HNRNPLL: variants seen among roughly 807,000 people sequenced by gnomAD.
HNRNPLL encodes the protein heterogeneous nuclear ribonucleoprotein L like.
A neutral mutation model predicts 67.1 loss-of-function variants in HNRNPLL; 25 were observed. The ratio of observed to expected loss-of-function variants is 0.37; its 90% CI spans 0.27 to 0.52. The LOEUF is 0.52. Among genes scored for constraint, HNRNPLL ranks in the 20% least tolerant of loss-of-function variants. HNRNPLL has a pLI of 0.90. For synonymous variants in HNRNPLL, 267 were observed against 241.7 expected (o/e 1.10, Z -0.97); for missense variants, 542 against 673.9 (o/e 0.80, Z 2.17).
At chr2:38,586,999 T>C (rs1172570841) in intron 2 of HNRNPLL, among the ~76,000 whole-genome samples, 2 of 152,068 alleles carry the variant, frequency 1.3e-5, no homozygotes, top group Non-Finnish European at 2.9e-5. Flanking sequence ...TGGATCACAA[T>C]GGGGGAAGCA....
At chr2:38,595,595 A>C (rs1413193576) in intron 1 of HNRNPLL, among the ~76,000 whole-genome samples, 15 of 152,228 alleles carry the variant, frequency 9.9e-5, no homozygotes, top group African/African-American at 3.4e-4. Flanking sequence ...CTGTAATGCC[A>C]GCCCTTTGGG....
intron 2 of HNRNPLL, among the ~76,000 whole-genome samples, chr2:38,590,542 T>C (rs1354915253): frequency 6.6e-6 from 1 of 152,204 alleles, no homozygotes; most frequent in Non-Finnish European, 1.5e-5. Flanking sequence ...CAGCCGGGCA[T>C]ACTCCAAAAA....
In HNRNPLL at chr2:38,564,158, A is replaced by C. The variant is rs765028870; in HGVS notation, c.*24T>G. ...TTGAAATTGTAATAAAGGTGAACAT[A>C]AATTCTAACATGCTCTTCTCTTCTT... On this transcript the variant is annotated 3_prime_UTR_variant, in exon 13 of 13. Coordinates refer to ENST00000449105, the MANE Select transcript of HNRNPLL (RefSeq NM_138394.4). 6.5e-6 allele frequency: 9 copies of C among 1,392,764 alleles called. No homozygotes were observed. Among genetic ancestry groups the C allele is most frequent in the Non-Finnish European group, 9.2e-6 (9 of 982,060 alleles). The allele number at this position is 1,392,764 out of a possible 1,614,324, so 86.3% of individuals were successfully genotyped here. A position where few individuals can be genotyped will look rare whatever the true frequency, so the allele number is the denominator to read the frequency against.
Position 38,580,301 on chromosome 2 carries a change from C to G in HNRNPLL, c.802+1612G>C, listed in dbSNP as rs150240826. ...TCAACTGTACCAACCCAAGGCCAGG[C>G]AGATTTCCATAAGTAGTGAAAAACA... On this transcript the variant is annotated intron_variant, in intron 6 of 12. Transcript: ENST00000449105. Among the ~76,000 whole-genome samples, 30 of 152,286 alleles carry G rather than the reference C, an allele frequency of 2.0e-4. No individual in the cohort carries two copies. The Middle Eastern group carries it at 0.014, about 69-fold the overall frequency.
At chr2:38,602,163 C>CCGG (rs1432201843) in intron 1 of HNRNPLL, 6 of 402,782 alleles carry the variant, frequency 1.5e-5, no homozygotes, top group Non-Finnish European at 2.2e-5. Flanking sequence ...CGACGCCTCC[C>CCGG]CGCCGCCGCC....
intron 6 of HNRNPLL, chr2:38,578,030 AAC>A (rs1271168696): frequency 2.1e-6 from 1 of 470,318 alleles, no homozygotes; most frequent in Non-Finnish European, 4.4e-6. Flanking sequence ...ACAATCAGTA[AAC>A]ACAGAGTATT....
At chr2:38,600,660 G>A (rs773958551) in intron 1 of HNRNPLL, among the ~76,000 whole-genome samples, 1 of 151,652 alleles carries the variant, frequency 6.6e-6, no homozygotes, top group Non-Finnish European at 1.5e-5. Context: ...TTGAGACAGG[G>A]AGATCAAGGC....
intron 2 of HNRNPLL, among the ~76,000 whole-genome samples, chr2:38,590,448 T>C (rs548157166): frequency 1.3e-5 from 2 of 152,326 alleles, no homozygotes; most frequent in African/African-American, 2.4e-5. Flanking sequence ...GTGTCTTCGA[T>C]AGCTGTAACA....
chr2:38,579,981 C>T (rs1666458740), intron 6 of HNRNPLL, among the ~76,000 whole-genome samples: 1 of 152,098 alleles, frequency 6.6e-6, no homozygotes, highest in South Asian at 2.1e-4. Context: ...CACATATATA[C>T]CTTATACATT....
intron 7 of HNRNPLL, among the ~76,000 whole-genome samples, chr2:38,575,442 T>G (rs935775978): frequency 6.6e-6 from 1 of 151,834 alleles, no homozygotes; most frequent in African/African-American, 2.4e-5. Context: ...TGCTACAAAT[T>G]AATACACAAA....
intron 7 of HNRNPLL, among the ~76,000 whole-genome samples, chr2:38,576,322 G>A (rs1666299962): frequency 6.6e-6 from 1 of 151,582 alleles, no homozygotes; most frequent in African/African-American, 2.4e-5. Flanking sequence ...TTATCAAAGT[G>A]CAAAAAACAC....
At position 38,564,077 on chromosome 2, in the gene HNRNPLL, T is replaced by G. The variant is rs537556407; in HGVS notation, c.*105A>C. 40 of 757,106 alleles carry G rather than the reference T, an allele frequency of 5.3e-5. No homozygotes were observed. The East Asian group carries it at 9.7e-4, about 18-fold the overall frequency. The allele number at this position is 757,106 out of a possible 1,614,324, so 46.9% of individuals were successfully genotyped here. On this transcript the variant is annotated 3_prime_UTR_variant, in exon 13 of 13. Transcript: ENST00000449105. Reference sequence around the variant, plus strand: ...TTTATTACAGAACAGGATCTTAAAGTAAGCAAGGCAACATGAGATCAACCA... The same window carrying G: ...TTTATTACAGAACAGGATCTTAAAGGAAGCAAGGCAACATGAGATCAACCA...
chr2:38,593,147 CG>C (rs1667028589), intron 1 of HNRNPLL, among the ~76,000 whole-genome samples: 1 of 152,170 alleles, frequency 6.6e-6, no homozygotes, highest in Admixed American at 6.5e-5. Context: ...GCTTATGCTC[CG>C]TCTTTCCTAT....
At chr2:38,586,889 T>C (rs1283840248) in intron 2 of HNRNPLL, among the ~76,000 whole-genome samples, 1 of 152,100 alleles carries the variant, frequency 6.6e-6, no homozygotes, top group Non-Finnish European at 1.5e-5. Context: ...GGAGGAGATA[T>C]ATTTTAATAC....
chr2:38,577,830 C>CA (rs1352444050), intron 6 of HNRNPLL: 3 of 453,014 alleles, frequency 6.6e-6, no homozygotes, highest in African/African-American at 6.0e-5. Context: ...TGAATGTACA[C>CA]AATGCTAGAA....
At chr2:38,572,603 T>G (rs1439680835) in intron 8 of HNRNPLL, among the ~76,000 whole-genome samples, 8 of 152,076 alleles carry the variant, frequency 5.3e-5, no homozygotes, top group African/African-American at 1.9e-4. Context: ...CCTCGCAGAT[T>G]TGGGGAAAAC....
chr2:38,595,388 T>C (rs1018327928), intron 1 of HNRNPLL, among the ~76,000 whole-genome samples: 4 of 151,490 alleles, frequency 2.6e-5, no homozygotes, highest in African/African-American at 9.7e-5. Context: ...ATCATGAGTA[T>C]AGTGCTAAAA....
chr2:38,602,843 C>A lies in HNRNPLL; in HGVS notation c.-217G>T. On this transcript the variant is annotated 5_prime_UTR_variant, in exon 1 of 13. Coordinates refer to ENST00000449105, the MANE Select transcript of HNRNPLL (RefSeq NM_138394.4). ...CCGGGAGGAAGCTCTGGAGCGGCCG[C>A]TCCTCTCAATTACCGAGCCAACATT... The A allele has an allele frequency of 6.5e-7, 1 of 1,549,052 alleles. No individual in the cohort carries two copies. Among genetic ancestry groups the A allele is most frequent in the South Asian group, 1.2e-5 (1 of 83,930 alleles).
In HNRNPLL at chr2:38,569,910, T is replaced by A. The variant is rs1666004627; in HGVS notation, c.1108A>T (p.Thr370Ser). 1 of 1,586,084 alleles carries A rather than the reference T, an allele frequency of 6.3e-7. No homozygotes were observed. The highest frequency in any genetic ancestry group is 1.2e-5 in the South Asian group (1 of 86,282). ...GNIEKVKFMK[T>S]IPGTALVEMG... ...TCTACCAGTGCTGTACCAGGAATGG[T>A]CTTCATAAATTTTACCTGTAAACAC... is the stretch of plus-strand genomic sequence containing the variant. Residue 370 changes from threonine to serine, a missense_variant, in exon 9 of 13, where the codon ACC (threonine) becomes TCC (serine). Thr to Ser is a moderately conservative substitution (Grantham distance 58). Around this residue, in one of 2 missense-constraint regions of HNRNPLL, gnomAD observed 415 missense variants for 575.2 expected, o/e 0.72. Transcript: ENST00000449105.
Sources: gnomAD v4.1 joint callset for allele counts (sites outside exome capture counted in the v4.1 genomes callset) on GRCh38, gnomAD v4.1.1 for gene constraint, gnomAD v4.1.1 regional missense constraint, MANE v1.5 for transcripts, NCBI Gene and HGNC (gene_info 2026-07-23, HGNC 2026-07-21) for gene names.